The following PDE4D variants were observed in gnomAD, a reference collection of about 807,000 sequenced individuals.
The protein encoded by PDE4D is 3',5'-cyclic-AMP phosphodiesterase 4D.
PDE4D carries 24 observed loss-of-function variants against 87.4 expected under a neutral mutation model. The observed-to-expected ratio is 0.27, with a 90% CI of 0.20 to 0.39. PDE4D has a LOEUF of 0.39. Among genes scored for constraint, PDE4D ranks in the 10% least tolerant of loss-of-function variants. PDE4D has a pLI of 1.00. For synonymous variants in PDE4D, 384 were observed against 383.2 expected (o/e 1.00, Z -0.02); for missense variants, 714 against 1,041.0 (o/e 0.69, Z 4.32).
At chr5:60,307,487 T>C (rs1754608745) in intron 1 of PDE4D, among the ~76,000 whole-genome samples, 1 of 152,162 alleles carries the variant, frequency 6.6e-6, no homozygotes, top group South Asian at 2.1e-4. Context: ...AATTGACTTG[T>C]ACATGCCAGC....
intron 1 of PDE4D, among the ~76,000 whole-genome samples, chr5:59,428,247 A>G (rs898641092): frequency 6.6e-6 from 1 of 152,192 alleles, no homozygotes; most frequent in Admixed American, 6.6e-5. Context: ...AAATCGAGCT[A>G]TGTTTTGCAC....
intron 1 of PDE4D, among the ~76,000 whole-genome samples, chr5:59,834,464 G>T (rs1287084204): frequency 2.0e-5 from 3 of 151,978 alleles, no homozygotes; most frequent in Admixed American, 2.0e-4. Context: ...TAATTGTACA[G>T]GGAACCATTT....
intron 11 of PDE4D, among the ~76,000 whole-genome samples, chr5:58,980,514 T>C (rs1186946137): frequency 6.6e-6 from 1 of 152,048 alleles, no homozygotes; most frequent in Non-Finnish European, 1.5e-5. Context: ...TGAGAGGCCA[T>C]GCATACCTTT....
intron 1 of PDE4D, among the ~76,000 whole-genome samples, chr5:59,686,756 C>T (rs2150383979): frequency 6.6e-6 from 1 of 152,204 alleles, no homozygotes; most frequent in East Asian, 1.9e-4. Context: ...TGACTATGTA[C>T]CACTATTTTA....
intron 1 of PDE4D, among the ~76,000 whole-genome samples, chr5:60,318,599 G>T (rs928292131): frequency 6.6e-5 from 10 of 152,120 alleles, no homozygotes; most frequent in African/African-American, 2.2e-4. Context: ...TTACAATTTG[G>T]CATGTTTTTG....
At chr5:59,647,517 A>G (rs1189213439) in intron 1 of PDE4D, among the ~76,000 whole-genome samples, 1 of 151,516 alleles carries the variant, frequency 6.6e-6, no homozygotes, top group African/African-American at 2.4e-5. Flanking sequence ...GTTTAAATAT[A>G]TCTGTAAAAT....
At chr5:59,234,546 G>A (rs1049229672) in intron 1 of PDE4D, among the ~76,000 whole-genome samples, 1 of 152,068 alleles carries the variant, frequency 6.6e-6, no homozygotes, top group Non-Finnish European at 1.5e-5. Flanking sequence ...TTTGATTGCT[G>A]GCCTGTAAAA....
At chr5:59,768,586 A>C in intron 1 of PDE4D, 1 of 1,571,674 alleles carries the variant, frequency 6.4e-7, no homozygotes, top group East Asian at 2.2e-5. Context: ...GGAAATGTCC[A>C]GGGAAGCAGG....
intron 1 of PDE4D, among the ~76,000 whole-genome samples, chr5:59,444,438 G>A (rs1798065922): frequency 6.6e-6 from 1 of 152,220 alleles, no homozygotes; most frequent in Non-Finnish European, 1.5e-5. Flanking sequence ...TTTTCCTTTT[G>A]ATCCAACATT....
chr5:59,491,582 C>T (rs1317222353), intron 1 of PDE4D, among the ~76,000 whole-genome samples: 1 of 152,100 alleles, frequency 6.6e-6, no homozygotes, highest in Non-Finnish European at 1.5e-5. Context: ...GTAACTGATG[C>T]CTTGGTTATG....
chr5:60,189,395 T>C (rs750271463), intron 1 of PDE4D, among the ~76,000 whole-genome samples: 4 of 152,222 alleles, frequency 2.6e-5, no homozygotes, highest in Non-Finnish European at 5.9e-5. Flanking sequence ...CATTGCTACG[T>C]CATATACACA....
chr5:59,623,897 G>A (rs1164513627), intron 1 of PDE4D, among the ~76,000 whole-genome samples: 2 of 152,124 alleles, frequency 1.3e-5, no homozygotes, highest in Non-Finnish European at 2.9e-5. Context: ...GGCAATGATA[G>A]TAAAAAATAG....
intron 1 of PDE4D, among the ~76,000 whole-genome samples, chr5:59,263,883 A>T (rs942950333): frequency 6.6e-6 from 1 of 151,956 alleles, no homozygotes; most frequent in Non-Finnish European, 1.5e-5. Flanking sequence ...TACTATTTTT[A>T]ATCTGGGTGG....
intron 1 of PDE4D, among the ~76,000 whole-genome samples, chr5:59,661,637 A>G (rs1462249199): frequency 6.6e-6 from 1 of 152,208 alleles, no homozygotes; most frequent in African/African-American, 2.4e-5. Context: ...TTTCCATATC[A>G]AGATATCCAG....
intron 1 of PDE4D, among the ~76,000 whole-genome samples, chr5:59,682,395 C>T (rs892089006): frequency 2.6e-5 from 4 of 152,112 alleles, no homozygotes; most frequent in African/African-American, 9.7e-5. Context: ...AGTTAGCATC[C>T]CTACTGTGAT....
intron 3 of PDE4D, among the ~76,000 whole-genome samples, chr5:59,938,689 T>C (rs1014507189): frequency 1.3e-5 from 2 of 152,198 alleles, no homozygotes; most frequent in African/African-American, 4.8e-5. Context: ...TACATACTTC[T>C]TGATTATGTT....
intron 2 of PDE4D, among the ~76,000 whole-genome samples, chr5:60,064,999 A>G (rs1204510228): frequency 2.6e-5 from 4 of 152,206 alleles, no homozygotes; most frequent in Non-Finnish European, 4.4e-5. Flanking sequence ...GGCAAAGCCT[A>G]TGCTGTAATG....
chr5:59,035,547 T>C (rs1758358149), intron 6 of PDE4D, among the ~76,000 whole-genome samples: 1 of 152,118 alleles, frequency 6.6e-6, no homozygotes, highest in Admixed American at 6.5e-5. Flanking sequence ...ATAATAGCAA[T>C]AACAACAGAT....
intron 1 of PDE4D, among the ~76,000 whole-genome samples, chr5:60,402,294 A>G (rs1741161284): frequency 1.3e-5 from 2 of 151,796 alleles, no homozygotes; most frequent in Non-Finnish European, 2.9e-5. Context: ...TTTGGCATCC[A>G]AAAATCTTCT....
Sources: gnomAD v4.1 joint callset for allele counts (sites outside exome capture counted in the v4.1 genomes callset) on GRCh38, gnomAD v4.1.1 for gene constraint, MANE v1.5 for transcripts, NCBI Gene and HGNC (gene_info 2026-07-23, HGNC 2026-07-21) for gene names.